MITF: variants seen among roughly 807,000 people sequenced by gnomAD.
MITF encodes melanocyte inducing transcription factor.
A neutral mutation model predicts 60.5 loss-of-function variants in MITF; 17 were observed. The observed-to-expected ratio is 0.28, with a 90% confidence interval of 0.19 to 0.42. The LOEUF is 0.42. Among genes scored for constraint, MITF ranks in the 10% least tolerant of loss-of-function variants. MITF has a pLI of 1.00. For missense variants in MITF, 622 were observed against 683.5 expected (o/e 0.91, Z 1.00); for synonymous variants, 260 against 248.5 (o/e 1.05, Z -0.43).
intron 1 of MITF, among the ~76,000 whole-genome samples, chr3:69,792,434 A>G (rs1292774471): frequency 1.3e-5 from 2 of 151,778 alleles, no homozygotes; most frequent in Admixed American, 6.6e-5. Flanking sequence ...CTTAAGCTCA[A>G]GCTTTCATTA....
chr3:69,909,806 T>A (rs2065184070), intron 2 of MITF, among the ~76,000 whole-genome samples: 1 of 152,150 alleles, frequency 6.6e-6, no homozygotes, highest in Non-Finnish European at 1.5e-5. Context: ...TTGGGTGCTG[T>A]TAAAACCATT....
chr3:69,939,252 C>A (rs941749044), intron 4 of MITF, 71 bp downstream of exon 4: 3 of 1,377,680 alleles, frequency 2.2e-6, no homozygotes, highest in African/African-American at 2.9e-5. Context: ...TGGATCACAC[C>A]TTCCTGAAAA....
At chr3:69,922,911 C>T (rs1045923598) in intron 2 of MITF, among the ~76,000 whole-genome samples, 22 of 152,144 alleles carry the variant, frequency 1.4e-4, no homozygotes, top group Admixed American at 1.1e-3. Flanking sequence ...GAACAAATGT[C>T]CATATTGACT....
chr3:69,755,881 A>G (rs969984936), intron 1 of MITF, among the ~76,000 whole-genome samples: 4 of 152,166 alleles, frequency 2.6e-5, no homozygotes, highest in African/African-American at 9.7e-5. Flanking sequence ...CTCCTCCTGT[A>G]CTATGATTAT....
chr3:69,760,469 CCA>C (rs1400176467), intron 1 of MITF, among the ~76,000 whole-genome samples: 1 of 152,184 alleles, frequency 6.6e-6, no homozygotes, highest in Non-Finnish European at 1.5e-5. Context: ...AGACATGCAC[CCA>C]GAGTAGCAGC....
chr3:69,802,932 C>T (rs1000705941), intron 1 of MITF, among the ~76,000 whole-genome samples: 1 of 151,926 alleles, frequency 6.6e-6, no homozygotes. Context: ...CATGTGCCAC[C>T]ATGCCTAGCT....
At chr3:69,865,676 T>A (rs958498333) in intron 1 of MITF, among the ~76,000 whole-genome samples, 3 of 152,200 alleles carry the variant, frequency 2.0e-5, no homozygotes, top group African/African-American at 7.2e-5. Flanking sequence ...ACCCTCCTAA[T>A]ATTCTTGGGG....
intron 8 of MITF, among the ~76,000 whole-genome samples, chr3:69,956,951 T>C (rs2066414403): frequency 1.3e-5 from 2 of 152,208 alleles, no homozygotes; most frequent in Non-Finnish European, 2.9e-5. Flanking sequence ...CATTAGAGAC[T>C]TAAAGTTTAA....
chr3:69,813,531 A>C (rs1294966015), intron 1 of MITF, among the ~76,000 whole-genome samples: 8 of 152,200 alleles, frequency 5.3e-5, no homozygotes, highest in Admixed American at 5.2e-4. Context: ...ATATTGCTTT[A>C]GTGGAAAAGG....
At chr3:69,888,148 T>C (rs988660775) in intron 2 of MITF, among the ~76,000 whole-genome samples, 1 of 152,088 alleles carries the variant, frequency 6.6e-6, no homozygotes, top group Non-Finnish European at 1.5e-5. Flanking sequence ...TAATCTCCCC[T>C]GTTGGGCCTG....
chr3:69,893,577 A>C (rs1263230186), intron 2 of MITF, among the ~76,000 whole-genome samples: 1 of 152,140 alleles, frequency 6.6e-6, no homozygotes, highest in Non-Finnish European at 1.5e-5. Context: ...AACCAGAGAC[A>C]CACAGTCCAC....
intron 1 of MITF, among the ~76,000 whole-genome samples, chr3:69,747,939 G>C (rs1054349578): frequency 6.6e-6 from 1 of 152,164 alleles, no homozygotes; most frequent in African/African-American, 2.4e-5. Context: ...GCCTGAGATT[G>C]ATTTCACAAA....
chr3:69,787,646 T>G (rs2062672518), intron 1 of MITF, among the ~76,000 whole-genome samples: 1 of 152,156 alleles, frequency 6.6e-6, no homozygotes, highest in African/African-American at 2.4e-5. Context: ...CAGTGTGAGG[T>G]TTCATTAGGG....
intron 1 of MITF, among the ~76,000 whole-genome samples, chr3:69,868,198 T>C (rs532673644): frequency 7.2e-5 from 11 of 152,354 alleles, no homozygotes; most frequent in African/African-American, 2.4e-4. Context: ...GTGGGAACTA[T>C]GCTAAGTATT....
At chr3:69,886,092 C>T (rs2064610255) in intron 2 of MITF, among the ~76,000 whole-genome samples, 1 of 152,074 alleles carries the variant, frequency 6.6e-6, no homozygotes, top group African/African-American at 2.4e-5. Context: ...CCATGGGCCA[C>T]TAGTGGTAAT....
At chr3:69,942,353 A>G (rs1163417750) in intron 5 of MITF, among the ~76,000 whole-genome samples, 1 of 152,178 alleles carries the variant, frequency 6.6e-6, no homozygotes. Flanking sequence ...GAAATTTTTT[A>G]AAGGTATGAC....
chr3:69,789,832 G>A (rs2062710791), intron 1 of MITF, among the ~76,000 whole-genome samples: 1 of 151,984 alleles, frequency 6.6e-6, no homozygotes, highest in South Asian at 2.1e-4. Context: ...CTGCAGCCTG[G>A]GCAACAGAGT....
intron 6 of MITF, among the ~76,000 whole-genome samples, chr3:69,951,202 A>T (rs2066242669): frequency 6.8e-6 from 1 of 147,998 alleles, no homozygotes; most frequent in South Asian, 2.1e-4. Flanking sequence ...GGCTCAAGTG[A>T]TCCTCCCACC....
At chr3:69,917,222 C>T (rs983256396) in intron 2 of MITF, among the ~76,000 whole-genome samples, 9 of 152,078 alleles carry the variant, frequency 5.9e-5, no homozygotes, top group East Asian at 1.9e-4. Context: ...GAATAATGAC[C>T]GAAAAGTCTC....
Sources: allele counts gnomAD v4.1 joint callset (sites outside exome capture counted in the v4.1 genomes callset), GRCh38; gene constraint gnomAD v4.1.1; transcripts MANE v1.5; gene names NCBI Gene and HGNC (gene_info 2026-07-23, HGNC 2026-07-21).